The following HELB variants were observed in gnomAD, a reference collection of about 807,000 sequenced individuals.
The protein encoded by HELB is DNA helicase B, also known as DNA 5'-3' helicase B.
Under a neutral mutation model 101.7 loss-of-function variants are expected in HELB, and 96 were observed. That is an observed-to-expected ratio of 0.94 (90% CI 0.80 to 1.12). HELB has a LOEUF of 1.12. Ranked by LOEUF, HELB falls within the 50% of genes most tolerant of loss-of-function variation. The pLI is 0.00. For missense variants in HELB, 1,210 were observed against 1,291.9 expected (o/e 0.94, Z 0.97); for synonymous variants, 437 against 459.7 (o/e 0.95, Z 0.63).
chr12:66,341,864 T>C (rs1168297), downstream of HELB: 72,287 of 152,036 alleles, frequency 0.48, 17,575 homozygotes, highest in East Asian at 0.58. Flanking sequence ...CCTTTACCTT[T>C]TGCCATGATT....
chr12:66,339,959 T>C (rs1196904122), downstream of HELB: 1 of 152,252 alleles, frequency 6.6e-6, no homozygotes, highest in Non-Finnish European at 1.5e-5. Context: ...GTCTCTTTTA[T>C]TGCCAAATAA....
rs936528006 is a variant in HELB at position 66,320,122 on chromosome 12, C to G, written c.2155+1330C>G. On this transcript the variant is annotated intron_variant, in intron 7 of 12. Transcript: ENST00000247815. ...TCAAGTAAACTTAACTAAATACTTACCAGTGACTGATTAAATTTGTTGCAA... is the reference window on the plus strand; with the variant it reads ...TCAAGTAAACTTAACTAAATACTTAGCAGTGACTGATTAAATTTGTTGCAA... 7.2e-5 allele frequency among the ~76,000 whole-genome samples: 11 copies of G among 152,046 alleles called. No individual in the cohort carries two copies. In the East Asian group the frequency reaches 2.1e-3, roughly 29 times the overall value.
intron 3 of HELB, among the ~76,000 whole-genome samples, chr12:66,307,986 C>T (rs990001195): frequency 6.6e-6 from 1 of 150,510 alleles, no homozygotes; most frequent in Non-Finnish European, 1.5e-5. Context: ...CCACCTTGGC[C>T]TCCCAGAGTG....
downstream of HELB, chr12:66,338,223 T>C (rs1348784322): frequency 1.5e-6 from 1 of 665,308 alleles, no homozygotes; most frequent in Admixed American, 2.8e-5. Flanking sequence ...GTATTTGTGT[T>C]AGCAAATGTT....
chr12:66,321,768 C>G, intron 7 of HELB, 180 bp from the exon 8 acceptor site: 1 of 492,890 alleles, frequency 2.0e-6, no homozygotes, highest in Non-Finnish European at 3.7e-6. Context: ...TTTCCATTCT[C>G]TTTCCTATTG....
chr12:66,337,851 C>G (rs1316917839), intron 12 of HELB, 150 bp from the exon 13 acceptor site: 1 of 592,278 alleles, frequency 1.7e-6, no homozygotes, highest in African/African-American at 1.9e-5. Context: ...CTACAAGGAG[C>G]TGATAGCCAA....
chr12:66,342,727 C>T (rs1430353342), downstream of HELB: 3 of 147,500 alleles, frequency 2.0e-5, no homozygotes, highest in Non-Finnish European at 3.0e-5. Flanking sequence ...TGGAGTCTTA[C>T]TCTGTCACCC....
At chr12:66,328,017 G>T (rs2053762019) in intron 11 of HELB, among the ~76,000 whole-genome samples, 1 of 152,158 alleles carries the variant, frequency 6.6e-6, no homozygotes, top group Non-Finnish European at 1.5e-5. Context: ...CCAAGGGCAG[G>T]GTTCTAAGGT....
In HELB at chr12:66,302,591, G is replaced by A; in HGVS notation, c.-13G>A. The A allele has an allele frequency of 6.2e-7, 1 of 1,610,596 alleles. No individual in the cohort carries two copies. The highest frequency in any genetic ancestry group is 1.3e-5 in the African/African-American group (1 of 74,998). ...GGTTTTCCCGAGTTGTTTGGGTTGA[G>A]TTCAGGAGAAGCATGGCCAGGTCGA... On this transcript the variant is annotated 5_prime_UTR_variant, in exon 1 of 13. Transcript: ENST00000247815.
downstream of HELB, chr12:66,339,488 G>A (rs148198792): frequency 5.9e-5 from 9 of 151,668 alleles, no homozygotes; most frequent in East Asian, 5.8e-4. Flanking sequence ...CTGGCCGGGC[G>A]TGGTGGCTCA....
chr12:66,304,272 CA>C lies in HELB; in HGVS notation c.188-458del, dbSNP rs545735568. ...TTTGAGAGGTTTTATACATGAGATTCAGGGAAGACTTTTCTAAGTAAGTGAT... is the reference window on the plus strand; with the variant it reads ...TTTGAGAGGTTTTATACATGAGATTCGGGAAGACTTTTCTAAGTAAGTGAT... On this transcript the variant is annotated intron_variant, in intron 1 of 12. Transcript: ENST00000247815. Among the ~76,000 whole-genome samples, 67 of 145,646 alleles carry C rather than the reference CA, an allele frequency of 4.6e-4. 1 individual carries two copies. The Middle Eastern group carries it at 0.014, about 31-fold the overall frequency.
Position 66,337,643 on chromosome 12 carries a change from A to G in HELB, c.3163-358A>G, listed in dbSNP as rs117103610. ...TTAAAAAAAAAAAAAAAAGTTCTGT[A>G]ATCACCATCTTGAAATTCTTAATTT... On this transcript the variant is annotated intron_variant, in intron 12 of 12. Transcript: ENST00000247815. Among the ~76,000 whole-genome samples, 1,383 of 152,236 alleles carry G rather than the reference A, an allele frequency of 9.1e-3. 20 individuals are homozygous for G. The highest frequency in any genetic ancestry group is 0.04 in the Admixed American group (608 of 15,282).
At chr12:66,332,325 G>T (rs747286183) in intron 12 of HELB, among the ~76,000 whole-genome samples, 1 of 152,046 alleles carries the variant, frequency 6.6e-6, no homozygotes, top group African/African-American at 2.4e-5. Context: ...TCCCATTCTC[G>T]TAATGTAGCA....
chr12:66,303,325 G>C (rs960173290), intron 1 of HELB, among the ~76,000 whole-genome samples: 5 of 151,900 alleles, frequency 3.3e-5, no homozygotes, highest in Non-Finnish European at 7.4e-5. Flanking sequence ...TTCTTCCTCA[G>C]CTTCTTGGAA....
chr12:66,343,438 CTT>C (rs2137026144), intron 13 of HELB: 1 of 152,022 alleles, frequency 6.6e-6, no homozygotes, highest in African/African-American at 2.4e-5. Context: ...ACCTGGCTAA[CTT>C]TTGTATTTTT....
Position 66,310,019 on chromosome 12 carries a change from C to T in HELB, c.1091C>T (p.Ala364Val). ...YDLYHAERAI[A>V]FSICDLMKKP... ...CTTTACCATGCTGAAAGAGCCATCG[C>T]CTTTTCAATTTGTGACCTGATGAAG... is the stretch of plus-strand genomic sequence containing the variant. Residue 364 changes from alanine (A) to valine (V), a missense_variant, in exon 4 of 13, where the codon GCC (alanine) becomes GTC (valine). By Grantham distance (64) the Ala-to-Val change is moderately conservative. Coordinates refer to ENST00000247815, the MANE Select transcript of HELB (RefSeq NM_001370285.1). The T allele has an allele frequency of 1.2e-6, 2 of 1,614,142 alleles. No homozygotes were observed. Among genetic ancestry groups the T allele is most frequent in the South Asian group, 1.1e-5 (1 of 91,078 alleles).
intron 12 of HELB, among the ~76,000 whole-genome samples, chr12:66,334,780 A>AAAAT (rs59458642): frequency 0.043 from 6,460 of 151,028 alleles, 480 homozygotes; most frequent in African/African-American, 0.15. Flanking sequence ...CCCTGTCTCA[A>AAAAT]AAATAAATAA....
intron 7 of HELB, among the ~76,000 whole-genome samples, chr12:66,319,847 G>T (rs964344743): frequency 6.6e-6 from 1 of 150,932 alleles, no homozygotes; most frequent in Non-Finnish European, 1.5e-5. Context: ...AAATAAATGC[G>T]ATCATACATA....
chr12:66,321,154 A>T (rs1270445354), intron 7 of HELB, among the ~76,000 whole-genome samples: 1 of 152,154 alleles, frequency 6.6e-6, no homozygotes, highest in Non-Finnish European at 1.5e-5. Context: ...TTCCCTTGTG[A>T]TTCATCTGCT....
Sources: gnomAD v4.1 joint callset for allele counts (sites outside exome capture counted in the v4.1 genomes callset) on GRCh38, gnomAD v4.1.1 for gene constraint, MANE v1.5 for transcripts, NCBI Gene and HGNC (gene_info 2026-07-23, HGNC 2026-07-21) for gene names.